TMEM160: variants seen among roughly 807,000 people sequenced by gnomAD.
TMEM160 encodes transmembrane protein 160.
Under a neutral mutation model 13.9 loss-of-function variants are expected in TMEM160, and 10 were observed. The observed-to-expected ratio is 0.72, with a 90% confidence interval of 0.45 to 1.22. The LOEUF is 1.22. Among genes scored for constraint, TMEM160 ranks in the 50% most tolerant of loss-of-function variants. The pLI is 0.00. For missense variants in TMEM160, 287 were observed against 283.2 expected, an observed-to-expected ratio of 1.01 and a Z score of -0.10; for synonymous variants, 159 against 134.8, an observed-to-expected ratio of 1.18 and a Z score of -1.25.
At chr19:47,048,385 G>A in intron 1 of TMEM160, 22 bp downstream of exon 1, 2 of 1,476,642 alleles carry the variant, frequency 1.4e-6, no homozygotes, top group South Asian at 1.3e-5. Flanking sequence ...CATCCGCACC[G>A]CCCCCACCCC....
chr19:47,047,860 T>TAA, intron 1 of TMEM160: 3 of 888,936 alleles, frequency 3.4e-6, no homozygotes, highest in Non-Finnish European at 2.7e-6. Context: ...AAAATAAAAT[T>TAA]AAAAAAAAAA....
At chr19:47,046,294 A>G (rs1599930508) in intron 2 of TMEM160, 42 bp from the exon 3 acceptor site, 1 of 1,507,900 alleles carries the variant, frequency 6.6e-7, no homozygotes, top group Admixed American at 2.3e-5. Context: ...AGGTCGGGGG[A>G]TGGTCTGGGA....
rs768367719 is a variant in TMEM160, at chr19:47,046,220, A to C, written c.334T>G (p.Trp112Gly). The change falls in exon 3 of 3, where the codon TGG (tryptophan) becomes GGG (glycine). Residue 112 changes from tryptophan to glycine, a missense_variant. Physicochemically the swap from Trp to Gly is radical, Grantham distance 184 (BLOSUM62 -2). Coordinates refer to ENST00000253047, the MANE Select transcript of TMEM160 (RefSeq NM_017854.2). The stretch of plus-strand genomic sequence containing the variant: ...CCCACGGCGTACGAGGCGCTGCCCC[A>C]CACCACGCACAGGCCGCCCAGCAGG... ...FFLLGGLCVV[W>G]GSASYAVGLA... is the part of the protein sequence containing the mutation. 2 of 1,536,192 alleles carry C rather than the reference A, an allele frequency of 1.3e-6. No homozygotes were observed. The highest frequency in any genetic ancestry group is 3.9e-5 in the Admixed American group (2 of 50,644).
chr19:47,047,419 T>A (rs1046232382), intron 1 of TMEM160: 6 of 972,626 alleles, frequency 6.2e-6, no homozygotes, highest in Admixed American at 6.3e-5. Flanking sequence ...TTCTTTTCCT[T>A]CAAATGCCGC....
chr19:47,048,581 G>C lies in TMEM160; in HGVS notation c.34C>G (p.Arg12Gly), dbSNP rs768061030. 6.6e-6 allele frequency: 10 copies of C among 1,523,618 alleles called. No homozygotes were observed. Among genetic ancestry groups the C allele is most frequent in the Non-Finnish European group, 8.7e-6 (10 of 1,144,968 alleles). The allele number at this position is 1,523,618 out of a possible 1,614,324, so 94.4% of individuals were successfully genotyped here. Residue 12 changes from arginine (R) to glycine (G), a missense_variant, in exon 1 of 3, where the codon CGC becomes GGC. By Grantham distance (125) the Arg-to-Gly change is moderately radical (BLOSUM62 -2). Transcript: ENST00000253047. ...GGGWWWARAA[R>G]LARLRFRRSL... ...CTCCGGAAGCGAAGACGGGCAAGGC[G>C]AGCGGCCCGAGCCCACCACCAGCCG...
intron 1 of TMEM160, chr19:47,047,804 C>G: frequency 5.0e-6 from 4 of 795,264 alleles, no homozygotes; most frequent in Non-Finnish European, 6.1e-6. Flanking sequence ...TACGATTGCG[C>G]CACTGCGGTC....
intron 1 of TMEM160, chr19:47,047,336 C>T (rs1357268329): frequency 1.0e-6 from 1 of 985,356 alleles, no homozygotes; most frequent in Non-Finnish European, 1.2e-6. Context: ...CCCCCACGGC[C>T]TGCCCACTCA....
chr19:47,045,918 G>C lies in TMEM160; in HGVS notation c.*69C>G. ...ACCAATACTCTGCATCTGGAGGAGG[G>C]GAGGTCAGGTTTAATGTCCCAGTCC... is the stretch of plus-strand genomic sequence containing the variant. On this transcript the variant is annotated 3_prime_UTR_variant, in exon 3 of 3. Transcript: ENST00000253047. 2 of 1,425,206 alleles carry C rather than the reference G, an allele frequency of 1.4e-6. No homozygotes were observed. Among genetic ancestry groups the C allele is most frequent in the South Asian group, 1.4e-5 (1 of 71,384 alleles). The allele number at this position is 1,425,206 out of a possible 1,614,324, so 88.3% of individuals were successfully genotyped here.
chr19:47,046,565 T>TCTCCC, intron 2 of TMEM160, 28 bp downstream of exon 2: 1 of 1,579,158 alleles, frequency 6.3e-7, no homozygotes, highest in East Asian at 2.2e-5. Context: ...CCTGGTTCCG[T>TCTCCC]GGGGCGAGAG....
In TMEM160 at chr19:47,048,432, C is replaced by G; in HGVS notation, c.183G>C (p.Trp61Cys). The G allele has an allele frequency of 6.9e-7, 1 of 1,457,948 alleles. No individual in the cohort carries two copies. 90.3% of individuals were successfully genotyped at this position (1,457,948 alleles called of 1,614,324 possible). ...PVSELDRADA[W>C]LLRKAHETAF... ...CTGTCTCGTGCGCTTTTCGGAGGAGCCAGGCGTCCGCACGATCCAGCTCGG... is the reference window on the plus strand; with the variant it reads ...CTGTCTCGTGCGCTTTTCGGAGGAGGCAGGCGTCCGCACGATCCAGCTCGG... The change falls in exon 1 of 3, where the codon TGG becomes TGC. Residue 61 changes from tryptophan (W) to cysteine (C), a missense_variant. Transcript: ENST00000253047.
At chr19:47,047,001 G>T (rs933758666) in intron 1 of TMEM160, among the ~76,000 whole-genome samples, 2 of 152,112 alleles carry the variant, frequency 1.3e-5, no homozygotes, top group African/African-American at 4.8e-5. Context: ...CATGAGGTCA[G>T]GAGTTTGAGA....
At chr19:47,046,854 C>T (rs1189359730) in intron 1 of TMEM160, among the ~76,000 whole-genome samples, 169 bp from the exon 2 acceptor site, 1 of 152,162 alleles carries the variant, frequency 6.6e-6, no homozygotes, top group African/African-American at 2.4e-5. Flanking sequence ...CTCACCTAAC[C>T]ATATCCCCCC....
intron 1 of TMEM160, chr19:47,047,554 T>C (rs1599931506): frequency 1.0e-6 from 1 of 975,878 alleles, no homozygotes; most frequent in African/African-American, 2.1e-5. Flanking sequence ...ACCCTATATC[T>C]AGATGCCCGG....
Position 47,048,409 on chromosome 19 carries a change from G to GT in TMEM160, c.205dup (p.Thr69AsnfsTer25). 1 of 1,486,572 alleles carries GT rather than the reference G, an allele frequency of 6.7e-7. No individual in the cohort carries two copies. Among genetic ancestry groups the GT allele is most frequent in the Non-Finnish European group, 8.9e-7 (1 of 1,128,006 alleles). 92.1% of individuals were successfully genotyped at this position (1,486,572 alleles called of 1,614,324 possible). The stretch of plus-strand genomic sequence containing the variant: ...CGCCCCCACCCCTAGCCACCGACCT[G>GT]TCTCGTGCGCTTTTCGGAGGAGCCA... On this transcript the variant is annotated frameshift_variant, in exon 1 of 3. Transcript: ENST00000253047. LOFTEE classifies it high-confidence loss of function.
In TMEM160 at chr19:47,048,558, C is replaced by G. The variant is rs766781948; in HGVS notation, c.57G>C (p.Arg19=). The part of the protein sequence containing the change: ...RAARLARLRF[R]RSLLPPQRPR... ...GCCGCTGAGGCGGCAGTAGCGACCTCCGGAAGCGAAGACGGGCAAGGCGAG... is the reference window on the plus strand; with the variant it reads ...GCCGCTGAGGCGGCAGTAGCGACCTGCGGAAGCGAAGACGGGCAAGGCGAG... The change falls in exon 1 of 3, where the codon CGG becomes CGC. Residue 19 remains arginine (R), a synonymous_variant. Transcript: ENST00000253047. 4.0e-6 allele frequency: 6 copies of G among 1,514,228 alleles called. No individual in the cohort carries two copies. The highest frequency in any genetic ancestry group is 5.3e-6 in the Non-Finnish European group (6 of 1,139,620). The allele number at this position is 1,514,228 out of a possible 1,614,324, so 93.8% of individuals were successfully genotyped here.
At chr19:47,046,515 G>C in intron 2 of TMEM160, 78 bp downstream of exon 2, 1 of 1,257,586 alleles carries the variant, frequency 8.0e-7, no homozygotes, top group Non-Finnish European at 1.2e-6. Context: ...GGGTAGGAGA[G>C]TCTACTCTCA....
At position 47,046,307 on chromosome 19, in the gene TMEM160, A is replaced by G. The variant is rs1862498; in HGVS notation, c.302-55T>C. On this transcript the variant is annotated intron_variant, in intron 2 of 2. Coordinates refer to ENST00000253047, the MANE Select transcript of TMEM160 (RefSeq NM_017854.2). ...CAAGGTCGGGGGATGGTCTGGGAGC[A>G]AAGCCAGGGTTGAGGAGACAGGAAC... The G allele has an allele frequency of 2.2e-3, 3,366 of 1,499,792 alleles. 75 individuals carry two copies. In the African/African-American group the frequency reaches 0.043, roughly 19 times the overall value. 92.9% of individuals were successfully genotyped at this position (1,499,792 alleles called of 1,614,324 possible). A position where few individuals can be genotyped will look rare whatever the true frequency, so the allele number is the denominator to read the frequency against.
rs2057080910 is a variant in TMEM160 at position 47,046,532 on chromosome 19, C to T, written c.301+61G>A. On this transcript the variant is annotated intron_variant, in intron 2 of 2. Coordinates refer to ENST00000253047, the MANE Select transcript of TMEM160 (RefSeq NM_017854.2). The stretch of plus-strand genomic sequence containing the variant: ...GTAGGAGAGTCTACTCTCACCAGGG[C>T]AGGTGATAGGGGCTCTGCATTCCCT... 3 of 1,368,898 alleles carry T rather than the reference C, an allele frequency of 2.2e-6. No homozygotes were observed. The East Asian group carries it at 6.9e-5, about 31-fold the overall frequency. 84.8% of individuals were successfully genotyped at this position (1,368,898 alleles called of 1,614,324 possible).
At chr19:47,047,272 T>G (rs1377269637) in intron 1 of TMEM160, 3 of 985,300 alleles carry the variant, frequency 3.0e-6, no homozygotes, top group Non-Finnish European at 3.6e-6. Context: ...GGGGCAAAGT[T>G]GCAGAACCTC....
Sources: gnomAD v4.1 joint callset for allele counts (sites outside exome capture counted in the v4.1 genomes callset) on GRCh38, gnomAD v4.1.1 for gene constraint, MANE v1.5 for transcripts, NCBI Gene and HGNC (gene_info 2026-07-23, HGNC 2026-07-21) for gene names.